The following CFAP44 variants were observed in gnomAD, a reference collection of about 807,000 sequenced individuals.
The protein encoded by CFAP44 is cilia- and flagella-associated protein 44.
In CFAP44, 134 loss-of-function variants were observed where a neutral mutation model predicts 216.2. The ratio of observed to expected loss-of-function variants is 0.62; its 90% CI spans 0.54 to 0.72. The LOEUF is 0.72. Among genes scored for constraint, CFAP44 ranks in the 30% least tolerant of loss-of-function variants. The pLI is 0.00. For missense variants in CFAP44, 2,035 were observed against 2,182.1 expected (o/e 0.93, Z 1.34); for synonymous variants, 700 against 727.6 (o/e 0.96, Z 0.61).
At chr3:113,347,964 G>A (rs559320806) in intron 22 of CFAP44, among the ~76,000 whole-genome samples, 70 of 152,158 alleles carry the variant, frequency 4.6e-4, no homozygotes, top group Admixed American at 3.9e-4. Context: ...AGGCAAGAGT[G>A]CAGGTTTTCA....
rs751115099 is a variant in CFAP44 at position 113,400,576 on chromosome 3, G to C, written c.1443C>G (p.Leu481=). Residue 481 remains leucine, a synonymous_variant, in exon 12 of 35, where the codon CTC becomes CTG. Transcript: ENST00000393845. ...AGGCAGTTGTGGCCATGAGATAAGT[G>C]AGAGGAGAAACAGCCACGGCTTCAA... ...GAIEAVAVSP[L]TYLMATTALD... is the part of the protein sequence containing the mutation. 8 of 1,610,228 alleles carry C rather than the reference G, an allele frequency of 5.0e-6. No individual in the cohort carries two copies. Among genetic ancestry groups the C allele is most frequent in the Non-Finnish European group, 6.8e-6 (8 of 1,178,002 alleles).
chr3:113,391,262 A>G (rs1933830971), intron 15 of CFAP44, among the ~76,000 whole-genome samples: 2 of 152,232 alleles, frequency 1.3e-5, no homozygotes, highest in South Asian at 4.1e-4. Flanking sequence ...CTCTTTAATA[A>G]ACAGTTTTGG....
chr3:113,308,152 A>G lies in CFAP44; in HGVS notation c.4627+6T>C. On this transcript the variant is annotated splice_donor_region_variant and intron_variant, in intron 29 of 34. Transcript: ENST00000393845. ...CACAGAGAACACGTGGTTTTATCTA[A>G]CTTACTTGTTGGGCAAATAGAATCA... The G allele has an allele frequency of 6.5e-7, 1 of 1,530,404 alleles. No individual in the cohort carries two copies. The highest frequency in any genetic ancestry group is 8.7e-7 in the Non-Finnish European group (1 of 1,144,330). 94.8% of individuals were successfully genotyped at this position (1,530,404 alleles called of 1,614,324 possible).
chr3:113,392,906 G>A (rs1933883293), intron 15 of CFAP44, among the ~76,000 whole-genome samples: 1 of 152,136 alleles, frequency 6.6e-6, no homozygotes, highest in Admixed American at 6.5e-5. Flanking sequence ...AATATCTCTT[G>A]TCTGCACAGT....
intron 22 of CFAP44, among the ~76,000 whole-genome samples, chr3:113,347,368 G>A (rs769992533): frequency 7.2e-5 from 11 of 152,226 alleles, no homozygotes; most frequent in Admixed American, 3.3e-4. Flanking sequence ...AAGTCACGTC[G>A]CCCAAGCAAG....
Position 113,330,245 on chromosome 3 carries a change from G to A in CFAP44, c.4039C>T (p.Pro1347Ser). The A allele has an allele frequency of 2.6e-6, 4 of 1,537,470 alleles. No individual in the cohort carries two copies. In the South Asian group the frequency reaches 4.8e-5, roughly 18 times the overall value. Reference protein sequence around the residue: ...PKCLEFEKAEPTDVELEIMKR... With the variant: ...PKCLEFEKAESTDVELEIMKR... ...ATAATTTCCAGCTCCACATCCGTTG[G>A]CTCTGCTTTTTCAAATTCCAAACAC... is the stretch of plus-strand genomic sequence containing the variant. Residue 1347 changes from proline to serine, a missense_variant, in exon 26 of 35, where the codon CCA becomes TCA. Physicochemically the swap from Pro to Ser is moderately conservative, Grantham distance 74. This residue lies in a region of CFAP44 where 1,883 missense variants were observed against 2,023.7 expected (regional missense o/e 0.93). Coordinates refer to ENST00000393845, the MANE Select transcript of CFAP44 (RefSeq NM_001164496.2).
chr3:113,382,768 TA>T (rs923289874), intron 15 of CFAP44, among the ~76,000 whole-genome samples: 4 of 152,166 alleles, frequency 2.6e-5, no homozygotes, highest in Non-Finnish European at 5.9e-5. Context: ...AATACAGAGG[TA>T]AATGGGATTT....
intron 22 of CFAP44, among the ~76,000 whole-genome samples, chr3:113,354,560 C>T (rs1184142382): frequency 1.3e-5 from 2 of 152,132 alleles, no homozygotes; most frequent in Non-Finnish European, 2.9e-5. Context: ...CAGAGGCAGC[C>T]ATAATCCCCC....
chr3:113,393,295 T>C (rs1260491172), intron 15 of CFAP44, among the ~76,000 whole-genome samples: 1 of 152,224 alleles, frequency 6.6e-6, no homozygotes, highest in African/African-American at 2.4e-5. Flanking sequence ...TAAATTATGC[T>C]GAGTGTTTTG....
At chr3:113,323,778 T>A (rs528321032) in intron 28 of CFAP44, among the ~76,000 whole-genome samples, 1 of 152,274 alleles carries the variant, frequency 6.6e-6, no homozygotes, top group Non-Finnish European at 1.5e-5. Flanking sequence ...GTGCAGTGGC[T>A]CACGCCTGTA....
chr3:113,363,591 T>C (rs1950561844), intron 19 of CFAP44, 59 bp from the exon 20 acceptor site: 1 of 1,410,726 alleles, frequency 7.1e-7, no homozygotes, highest in Middle Eastern at 1.9e-4. Context: ...TTCCTTAAAA[T>C]ATCTAGGAAG....
At chr3:113,294,507 C>T (rs1949861996) in intron 34 of CFAP44, 180 bp downstream of exon 34, 1 of 713,246 alleles carries the variant, frequency 1.4e-6, no homozygotes, top group African/African-American at 1.8e-5. Flanking sequence ...AAGCTAGTCC[C>T]TCAGGCCCAC....
In CFAP44 at chr3:113,344,558, C is replaced by G; in HGVS notation, c.3220G>C (p.Glu1074Gln). ...ERKPSKLDRF[E>Q]KEGPGRKDSQ... ...TCCTTTCTTCCAGGTCCCTCTTTTT[C>G]AAACCTGTCCAATTTGCTTGGTTTT... Residue 1074 changes from glutamate (E) to glutamine (Q), a missense_variant, in exon 23 of 35, where the codon GAA (glutamate) becomes CAA (glutamine). Physicochemically the swap from Glu to Gln is conservative, Grantham distance 29 (BLOSUM62 2). Around this residue, in one of 3 missense-constraint regions of CFAP44, gnomAD observed 1,883 missense variants for 2,023.7 expected, o/e 0.93. Coordinates refer to ENST00000393845, the MANE Select transcript of CFAP44 (RefSeq NM_001164496.2). The G allele has an allele frequency of 6.5e-7, 1 of 1,537,038 alleles. No homozygotes were observed. The highest frequency in any genetic ancestry group is 8.7e-7 in the Non-Finnish European group (1 of 1,146,828).
chr3:113,362,913 A>G, intron 21 of CFAP44: 3 of 1,268,828 alleles, frequency 2.4e-6, no homozygotes, highest in South Asian at 3.0e-5. Flanking sequence ...CATGTGTTCT[A>G]TAACAACAGT....
chr3:113,293,391 C>T (rs977712597), intron 34 of CFAP44, among the ~76,000 whole-genome samples: 24 of 152,208 alleles, frequency 1.6e-4, no homozygotes, highest in African/African-American at 5.8e-4. Context: ...GCTCTAAGAG[C>T]TTCAGCAAGT....
chr3:113,367,489 C>A (rs920446577), intron 18 of CFAP44, among the ~76,000 whole-genome samples: 1 of 152,150 alleles, frequency 6.6e-6, no homozygotes, highest in Admixed American at 6.6e-5. Context: ...CAGCTGAGGG[C>A]CCTGACTGCT....
At chr3:113,412,737 T>G (rs1934522160) in intron 6 of CFAP44, among the ~76,000 whole-genome samples, 1 of 152,246 alleles carries the variant, frequency 6.6e-6, no homozygotes, top group African/African-American at 2.4e-5. Flanking sequence ...TATTCCATGA[T>G]GTATATGTAC....
At chr3:113,413,324 G>A (rs752283979) in intron 6 of CFAP44, among the ~76,000 whole-genome samples, 14 of 152,084 alleles carry the variant, frequency 9.2e-5, no homozygotes, top group Non-Finnish European at 1.9e-4. Flanking sequence ...TAGGTTGCTT[G>A]TTCACTCTAA....
chr3:113,337,507 G>A (rs1278319138), intron 24 of CFAP44, among the ~76,000 whole-genome samples: 1 of 151,944 alleles, frequency 6.6e-6, no homozygotes, highest in Non-Finnish European at 1.5e-5. Flanking sequence ...AAATAATTTT[G>A]AAAAATAAAA....
Sources: allele counts gnomAD v4.1 joint callset (sites outside exome capture counted in the v4.1 genomes callset), GRCh38; gene constraint gnomAD v4.1.1; regional missense constraint gnomAD v4.1.1; transcripts MANE v1.5; gene names NCBI Gene and HGNC (gene_info 2026-07-23, HGNC 2026-07-21).